DPP6: variants seen among roughly 807,000 people sequenced by gnomAD.
DPP6 encodes dipeptidyl peptidase like 6.
In DPP6, 69 loss-of-function variants were observed where a neutral mutation model predicts 122.6. The ratio of observed to expected loss-of-function variants is 0.56; its 90% CI spans 0.46 to 0.69. The LOEUF (loss-of-function observed/expected upper bound fraction) is 0.69, where lower values mean the gene tolerates loss of function less well. DPP6 is among the 30% of genes least tolerant of loss of function. The pLI, the probability that DPP6 is intolerant of heterozygous loss-of-function variation, is 0.00. For synonymous variants in DPP6, 418 were observed against 433.1 expected, an observed-to-expected ratio of 0.97 and a Z score of 0.43; for missense variants, 928 against 1,116.9, an observed-to-expected ratio of 0.83 and a Z score of 2.41.
In DPP6 at chr7:154,863,964, AG is replaced by A. The variant is rs1232979118; in HGVS notation, c.1715-4026del. Among the ~76,000 whole-genome samples, 13 of 152,004 alleles carry A rather than the reference AG, an allele frequency of 8.6e-5. No homozygotes were observed. Among genetic ancestry groups the A allele is most frequent in the Non-Finnish European group, 2.9e-5 (2 of 68,006 alleles). On this transcript the variant is annotated intron_variant, in intron 17 of 25. Coordinates refer to ENST00000377770, the MANE Select transcript of DPP6 (RefSeq NM_130797.4). The surrounding 1 kb of genome is among the most constrained non-coding windows in gnomAD (Gnocchi z 4.1). The stretch of plus-strand genomic sequence containing the variant: ...GGACGGCAGCTGCAAGAGCACAGGG[AG>A]GGGGCGAGGTGGGGCAGAGAGGGGT...
intron 1 of DPP6, among the ~76,000 whole-genome samples, chr7:154,378,686 T>C (rs1813330643): frequency 6.6e-6 from 1 of 152,210 alleles, no homozygotes; most frequent in South Asian, 2.1e-4. Flanking sequence ...TTTGTATTAG[T>C]CTGTTTTCAC....
chr7:153,755,480 A>C, the DPP6 span, among the ~76,000 whole-genome samples: 1 of 147,762 alleles, frequency 6.8e-6, no homozygotes, highest in Non-Finnish European at 1.5e-5. Flanking sequence ...CAAATCTGAA[A>C]AATCTGAAGG....
chr7:154,074,952 A>G (rs1239631089), intron 1 of DPP6, among the ~76,000 whole-genome samples: 2 of 151,374 alleles, frequency 1.3e-5, no homozygotes, highest in Admixed American at 6.6e-5. Flanking sequence ...CAAACAAATC[A>G]GCAAGAAAAA....
Position 153,939,511 on chromosome 7 carries a change from A to C in DPP6, c.51+51777A>C, listed in dbSNP as rs2129016236. On this transcript the variant is annotated intron_variant, in intron 1 of 25. Coordinates refer to the DPP6 transcript ENST00000404039. Reference sequence around the variant, plus strand: ...AATTATAGTTGTGACAGAGACACAAAGGTGAGTGTGGGGCACTGTGAGGAG... The same window carrying C: ...AATTATAGTTGTGACAGAGACACAACGGTGAGTGTGGGGCACTGTGAGGAG... 1.3e-5 allele frequency among the ~76,000 whole-genome samples: 2 copies of C among 152,326 alleles called. 1 individual carries two copies. Among genetic ancestry groups the C allele is most frequent in the Middle Eastern group, 6.8e-3 (2 of 294 alleles).
At chr7:153,828,132 C>G in the DPP6 span, among the ~76,000 whole-genome samples, 9 of 152,180 alleles carry the variant, frequency 5.9e-5, 1 homozygote, top group African/African-American at 2.2e-4. Context: ...AAGTGCAGAA[C>G]CTGAAGTGTC....
At chr7:154,693,167 G>T (rs1840030130) in intron 7 of DPP6, among the ~76,000 whole-genome samples, 1 of 152,042 alleles carries the variant, frequency 6.6e-6, no homozygotes, top group Admixed American at 6.6e-5. Context: ...TGGTAATTTG[G>T]CTCCCCTAAA....
At chr7:154,651,815 C>T (rs7807195) in intron 6 of DPP6, among the ~76,000 whole-genome samples, 76,180 of 152,028 alleles carry the variant, frequency 0.5, 20,789 homozygotes, top group East Asian at 0.63. Context: ...TTGGGGCTTC[C>T]TCCAGCTGCG....
intron 1 of DPP6, among the ~76,000 whole-genome samples, chr7:154,338,457 G>A (rs1809623990): frequency 6.6e-6 from 1 of 152,064 alleles, no homozygotes; most frequent in African/African-American, 2.4e-5. Flanking sequence ...GATACACCGT[G>A]AAATAAAAAA....
chr7:154,093,838 C>A (rs547715664), intron 1 of DPP6: 1 of 151,648 alleles, frequency 6.6e-6, no homozygotes, highest in East Asian at 2.0e-4. Flanking sequence ...CTGTGTGGCA[C>A]GTGTGGTGTG....
the DPP6 span, among the ~76,000 whole-genome samples, chr7:153,881,284 T>A: frequency 6.6e-6 from 1 of 152,206 alleles, no homozygotes; most frequent in Non-Finnish European, 1.5e-5. Flanking sequence ...GATGTGCAAT[T>A]CTAGCTATAA....
intron 8 of DPP6, among the ~76,000 whole-genome samples, chr7:154,743,190 T>C (rs2131420088): frequency 6.6e-6 from 1 of 152,334 alleles, no homozygotes; most frequent in African/African-American, 2.4e-5. Flanking sequence ...TGGATGTGGC[T>C]TCTCTTTCCA....
At chr7:154,420,744 T>G (rs984905816) in intron 1 of DPP6, among the ~76,000 whole-genome samples, 9 of 152,192 alleles carry the variant, frequency 5.9e-5, no homozygotes, top group Non-Finnish European at 1.5e-5. Context: ...ATGAATATGT[T>G]AATCAGCTTG....
At chr7:153,791,411 C>T in the DPP6 span, among the ~76,000 whole-genome samples, 2 of 90,762 alleles carry the variant, frequency 2.2e-5, no homozygotes, top group South Asian at 3.9e-4. Flanking sequence ...TGCCTTCCTT[C>T]CTTCCTTCCT....
At chr7:154,466,043 A>C (rs1357808194) in intron 2 of DPP6, among the ~76,000 whole-genome samples, 2 of 152,212 alleles carry the variant, frequency 1.3e-5, no homozygotes, top group African/African-American at 2.4e-5. Flanking sequence ...AAATGAGTTC[A>C]TGTCCTTTGC....
chr7:153,767,112 A>C, the DPP6 span, among the ~76,000 whole-genome samples: 1 of 122,378 alleles, frequency 8.2e-6, no homozygotes, highest in African/African-American at 2.9e-5. Context: ...AAAAGAAGGA[A>C]GTCAGGGGTG....
intron 6 of DPP6, among the ~76,000 whole-genome samples, chr7:154,653,502 A>T (rs1837016807): frequency 6.6e-6 from 1 of 152,222 alleles, no homozygotes; most frequent in South Asian, 2.1e-4. Context: ...TGATAGATAG[A>T]TAGATAATAG....
At chr7:154,479,463 C>T (rs2151360757) in intron 3 of DPP6, among the ~76,000 whole-genome samples, 1 of 149,700 alleles carries the variant, frequency 6.7e-6, no homozygotes, top group Admixed American at 6.8e-5. Context: ...GAGGCTAAGG[C>T]AGCAGAATCA....
chr7:153,926,244 A>G (rs1048927449), intron 1 of DPP6, among the ~76,000 whole-genome samples: 1 of 152,182 alleles, frequency 6.6e-6, no homozygotes, highest in African/African-American at 2.4e-5. Context: ...GCACATATAT[A>G]CAAGTAAATC....
chr7:153,771,468 T>C, the DPP6 span, among the ~76,000 whole-genome samples: 1 of 152,272 alleles, frequency 6.6e-6, no homozygotes, highest in East Asian at 1.9e-4. Flanking sequence ...GCCTCCCAAG[T>C]AGCTGGTATT....
Sources: allele counts gnomAD v4.1 joint callset (sites outside exome capture counted in the v4.1 genomes callset), GRCh38; gene constraint gnomAD v4.1.1; non-coding constraint Gnocchi (gnomAD v3.1); transcripts MANE v1.5; gene names NCBI Gene and HGNC (gene_info 2026-07-23, HGNC 2026-07-21).